SLC13A1: variants seen among roughly 807,000 people sequenced by gnomAD.
SLC13A1 encodes Na(+)/sulfate cotransporter.
SLC13A1 carries 65 observed loss-of-function variants against 70.0 expected under a neutral mutation model. The ratio of observed to expected loss-of-function variants is 0.93; its 90% CI spans 0.76 to 1.14. The LOEUF (loss-of-function observed/expected upper bound fraction) is 1.14. Ranked by LOEUF, SLC13A1 falls within the 50% of genes most tolerant of loss-of-function variation. The pLI, the probability that SLC13A1 is intolerant of heterozygous loss-of-function variation, is 0.00. For missense variants in SLC13A1, 726 were observed against 717.8 expected, an observed-to-expected ratio of 1.01 and a Z score of -0.13; for synonymous variants, 275 against 250.5, an observed-to-expected ratio of 1.10 and a Z score of -0.92.
At chr7:123,126,808 G>A (rs886541957) in intron 10 of SLC13A1, among the ~76,000 whole-genome samples, 2 of 151,148 alleles carry the variant, frequency 1.3e-5, no homozygotes, top group African/African-American at 4.9e-5. Context: ...ATAATTTTTG[G>A]TTGTATTTTT....
intron 6 of SLC13A1, among the ~76,000 whole-genome samples, chr7:123,163,089 G>A (rs1794965041): frequency 6.6e-6 from 1 of 151,994 alleles, no homozygotes; most frequent in Non-Finnish European, 1.5e-5. Context: ...GAAAGAACTA[G>A]CAACTTTATT....
intron 7 of SLC13A1, among the ~76,000 whole-genome samples, chr7:123,143,960 G>T (rs1174249914): frequency 6.6e-6 from 1 of 152,190 alleles, no homozygotes; most frequent in African/African-American, 2.4e-5. Context: ...CTCGGAAGTA[G>T]GGTAGAGTGG....
intron 3 of SLC13A1, among the ~76,000 whole-genome samples, chr7:123,170,540 A>G (rs1795233362): frequency 6.6e-6 from 1 of 152,204 alleles, no homozygotes; most frequent in African/African-American, 2.4e-5. Context: ...AGGGTCAGGA[A>G]AAAGAGATAC....
Position 123,115,605 on chromosome 7 carries a change from A to C in SLC13A1, c.1701T>G (p.Leu567=). The C allele has an allele frequency of 1.2e-6, 2 of 1,613,922 alleles. No individual in the cohort carries two copies. Among genetic ancestry groups the C allele is most frequent in the Non-Finnish European group, 1.7e-6 (2 of 1,179,826 alleles). Residue 567 remains leucine, a synonymous_variant, in exon 15 of 15, where the codon CTT becomes CTG. Transcript: ENST00000194130. ...TGGGTACAATCCAAGTACATATGCC[A>C]AGCATAACCACAGCAACACCAACAA... ...VNIVGVAVVM[L]GICTWIVPMF...
intron 10 of SLC13A1, 55 bp from the exon 11 acceptor site, chr7:123,125,730 T>C: frequency 7.9e-7 from 1 of 1,266,058 alleles, no homozygotes; most frequent in Admixed American, 1.8e-5. Context: ...TTAAATGAGC[T>C]AAAACACCAA....
intron 6 of SLC13A1, among the ~76,000 whole-genome samples, chr7:123,161,704 C>T (rs1042746993): frequency 2.0e-5 from 3 of 152,106 alleles, no homozygotes; most frequent in African/African-American, 7.2e-5. Flanking sequence ...GAAATTGTTG[C>T]TATATTTGGT....
intron 8 of SLC13A1, among the ~76,000 whole-genome samples, chr7:123,131,239 G>C (rs761846001): frequency 2.6e-5 from 4 of 152,106 alleles, no homozygotes; most frequent in Middle Eastern, 3.4e-3. Context: ...ACTGACTAGT[G>C]CCAGTCTCAA....
In SLC13A1 at chr7:123,114,488, G is replaced by A. The variant is rs1020919266; in HGVS notation, c.*1030C>T. 2.2e-4 allele frequency: 33 copies of A among 151,130 alleles called. No individual in the cohort carries two copies. Among genetic ancestry groups the A allele is most frequent in the Admixed American group, 2.0e-3 (30 of 15,192 alleles). 9.4% of individuals were successfully genotyped at this position (151,130 alleles called of 1,614,324 possible). On this transcript the variant is annotated 3_prime_UTR_variant, in exon 15 of 15. Transcript: ENST00000194130. ...CATTTATTTTTCTGTTTTGTAATAC[G>A]TCAGCAGTTTTCATTCTTATTCTTT...
chr7:123,168,474 A>G (rs11976455), intron 5 of SLC13A1, 30 bp downstream of exon 5: 309,453 of 1,595,274 alleles, frequency 0.19, 31,729 homozygotes, highest in Non-Finnish European at 0.21. Flanking sequence ...AATTTGGAAA[A>G]ATCCCAATCA....
chr7:123,127,660 A>T (rs972321424), intron 10 of SLC13A1, among the ~76,000 whole-genome samples: 32 of 152,150 alleles, frequency 2.1e-4, no homozygotes, highest in African/African-American at 6.7e-4. Context: ...TTTAAAACAC[A>T]CCACCATATT....
At chr7:123,118,148 G>T (rs1793244681) in intron 13 of SLC13A1, among the ~76,000 whole-genome samples, 1 of 152,124 alleles carries the variant, frequency 6.6e-6, no homozygotes, top group African/African-American at 2.4e-5. Flanking sequence ...AAGTCCCTGT[G>T]GCTCCAGCAG....
chr7:123,141,107 G>A (rs1257069756), intron 7 of SLC13A1, among the ~76,000 whole-genome samples: 1 of 151,550 alleles, frequency 6.6e-6, no homozygotes, highest in South Asian at 2.1e-4. Context: ...GATATGTTGT[G>A]TTTCCATTAA....
At chr7:123,115,991 C>A (rs759119010) in intron 14 of SLC13A1, among the ~76,000 whole-genome samples, 33 of 152,068 alleles carry the variant, frequency 2.2e-4, no homozygotes, top group Non-Finnish European at 4.3e-4. Context: ...TAGGAATATA[C>A]CTAAGTAATT....
chr7:123,190,195 T>G (rs1418676949), intron 1 of SLC13A1, among the ~76,000 whole-genome samples: 1 of 152,160 alleles, frequency 6.6e-6, no homozygotes, highest in East Asian at 1.9e-4. Flanking sequence ...AGACATACCC[T>G]GGTTATAAGA....
intron 1 of SLC13A1, among the ~76,000 whole-genome samples, chr7:123,196,452 G>C (rs904619668): frequency 2.6e-5 from 4 of 152,080 alleles, no homozygotes; most frequent in Non-Finnish European, 4.4e-5. Flanking sequence ...ATTGGCTCTA[G>C]AGTCAGACAG....
intron 8 of SLC13A1, among the ~76,000 whole-genome samples, chr7:123,134,010 T>C (rs1793860936): frequency 1.3e-5 from 2 of 151,852 alleles, no homozygotes; most frequent in South Asian, 4.2e-4. Flanking sequence ...GATGGTCCTT[T>C]TAGGGGGGAG....
chr7:123,137,943 T>C (rs2116360856), intron 7 of SLC13A1, among the ~76,000 whole-genome samples: 1 of 152,282 alleles, frequency 6.6e-6, no homozygotes, highest in Admixed American at 6.5e-5. Context: ...TTTTAGTTAT[T>C]TTTAAATGTA....
intron 1 of SLC13A1, among the ~76,000 whole-genome samples, chr7:123,193,036 T>A (rs1365758062): frequency 6.6e-6 from 1 of 152,134 alleles, no homozygotes; most frequent in South Asian, 2.1e-4. Flanking sequence ...AACCAGCACC[T>A]GAGATGCATT....
intron 8 of SLC13A1, among the ~76,000 whole-genome samples, chr7:123,131,776 C>T (rs1318939475): frequency 6.6e-6 from 1 of 152,112 alleles, no homozygotes; most frequent in African/African-American, 2.4e-5. Context: ...TAGTGGACAC[C>T]AAGGGAACTG....
Sources: allele counts gnomAD v4.1 joint callset (sites outside exome capture counted in the v4.1 genomes callset), GRCh38; gene constraint gnomAD v4.1.1; transcripts MANE v1.5; gene names NCBI Gene and HGNC (gene_info 2026-07-23, HGNC 2026-07-21).